Variants in TCF20 observed in about 807,000 individuals in gnomAD.
TCF20 encodes the protein transcription factor 20, also known as SPRE-binding protein.
In TCF20, 3 loss-of-function variants were observed where a neutral mutation model predicts 148.6. The ratio of observed to expected loss-of-function variants is 0.02; its 90% CI spans 0.01 to 0.05. The LOEUF (loss-of-function observed/expected upper bound fraction) is 0.05, where lower values mean the gene tolerates loss of function less well. Among genes scored for constraint, TCF20 ranks in the 10% least tolerant of loss-of-function variants. The pLI, the probability that TCF20 is intolerant of heterozygous loss-of-function variation, is 1.00. For missense variants in TCF20, 2,350 were observed against 2,429.3 expected, an observed-to-expected ratio of 0.97 and a Z score of 0.69; for synonymous variants, 1,049 against 909.5, an observed-to-expected ratio of 1.15 and a Z score of -2.76.
At chr22:42,229,574 T>C (rs979747094) in intron 1 of TCF20, among the ~76,000 whole-genome samples, 2 of 152,102 alleles carry the variant, frequency 1.3e-5, no homozygotes, top group Non-Finnish European at 2.9e-5. Context: ...GGTCAGAAGA[T>C]AGGGTGCGTA....
chr22:42,228,247 T>C (rs915177722), intron 1 of TCF20, among the ~76,000 whole-genome samples: 10 of 152,094 alleles, frequency 6.6e-5, no homozygotes, highest in Non-Finnish European at 4.4e-5. Context: ...ATGGAGGTAG[T>C]GACACACAGT....
Position 42,242,218 on chromosome 22 carries a change from A to ACAAAAAAAC in TCF20, c.-36-26878_-36-26877insGTTTTTTTG, listed in dbSNP as rs1555942525. Among the ~76,000 whole-genome samples, 102 of 142,696 alleles carry ACAAAAAAAC rather than the reference A, an allele frequency of 7.1e-4. 4 individuals are homozygous for ACAAAAAAAC. The highest frequency in any genetic ancestry group is 2.6e-3 in the African/African-American group (94 of 36,470). 93.6% of individuals were successfully genotyped at this position (142,696 alleles called of 152,430 possible). A position where few individuals can be genotyped will look rare whatever the true frequency, so the allele number is the denominator to read the frequency against. On this transcript the variant is annotated intron_variant, in intron 1 of 5. Coordinates refer to ENST00000677622, the MANE Select transcript of TCF20 (RefSeq NM_001378418.1). ...ACTTCGCCTCAAAAAAAAAAAAAAA[A>ACAAAAAAAC]AAAAAAAAACAGAAAAGAAAGGGTG...
chr22:42,244,488 T>C (rs1360958478), intron 1 of TCF20, among the ~76,000 whole-genome samples: 1 of 152,132 alleles, frequency 6.6e-6, no homozygotes, highest in South Asian at 2.1e-4. Context: ...CACAATACAA[T>C]GTAGATAAAT....
intron 1 of TCF20, among the ~76,000 whole-genome samples, chr22:42,261,324 T>A (rs1204059707): frequency 6.6e-6 from 1 of 152,220 alleles, no homozygotes; most frequent in East Asian, 1.9e-4. Flanking sequence ...GACATTTTCA[T>A]TTCTCTTGGA....
chr22:42,211,453 G>A lies in TCF20; in HGVS notation c.3853C>T (p.Leu1285Phe), dbSNP rs765753452. The change falls in exon 2 of 6, where the codon CTT becomes TTT. Residue 1285 changes from leucine to phenylalanine, a missense_variant. Around this residue, in one of 7 missense-constraint regions of TCF20, gnomAD observed 1,641 missense variants for 1,662.6 expected, o/e 0.99. Transcript: ENST00000677622. ...TCAGCGCCTTCTTTTGATGAGTGAA[G>A]GAGGCGACCTTTATCTTCAGTGCTA... ...NSSTEDKGRL[L>F]HSSKEGADKA... 21 of 1,614,054 alleles carry A rather than the reference G, an allele frequency of 1.3e-5. No homozygotes were observed. The East Asian group carries it at 4.5e-4, about 34-fold the overall frequency.
In TCF20 at chr22:42,290,385, C is replaced by A. The variant is rs900623296; in HGVS notation, c.-37+53094G>T. Among the ~76,000 whole-genome samples the A allele has an allele frequency of 6.6e-6, 1 of 152,226 alleles. No individual in the cohort carries two copies. Among genetic ancestry groups the A allele is most frequent in the Non-Finnish European group, 1.5e-5 (1 of 68,042 alleles). ...GCTAGCTAATCCCAGCCAAAACACA[C>A]GGAATGAGAATCGTTCAGAATCTTT... On this transcript the variant is annotated intron_variant, in intron 1 of 1. Coordinates refer to the TCF20 transcript ENST00000515426. The surrounding 1 kb of genome is among the most constrained non-coding windows in gnomAD (Gnocchi z 4.2).
chr22:42,319,042 G>T (rs781688761), intron 1 of TCF20, among the ~76,000 whole-genome samples: 2 of 152,184 alleles, frequency 1.3e-5, no homozygotes, highest in African/African-American at 4.8e-5. Flanking sequence ...GTACTAGGGG[G>T]GCATGAGAGG....
At chr22:42,162,729 C>G (rs1175807966) in intron 5 of TCF20, among the ~76,000 whole-genome samples, 1 of 152,202 alleles carries the variant, frequency 6.6e-6, no homozygotes, top group African/African-American at 2.4e-5. Context: ...CTGACAAACC[C>G]CAAGAACCCA....
chr22:42,331,626 C>G (rs565169056), intron 1 of TCF20, among the ~76,000 whole-genome samples: 1 of 152,390 alleles, frequency 6.6e-6, no homozygotes, highest in Admixed American at 6.5e-5. Flanking sequence ...CAGCAAGTCC[C>G]TTGACATGTC....
chr22:42,334,130 T>C (rs1038517722), intron 1 of TCF20, among the ~76,000 whole-genome samples: 10 of 152,148 alleles, frequency 6.6e-5, no homozygotes, highest in Non-Finnish European at 1.5e-4. Context: ...AGCCTGAACA[T>C]CTCACCCTCC....
At chr22:42,332,136 A>G (rs1161946755) in intron 1 of TCF20, among the ~76,000 whole-genome samples, 1 of 152,200 alleles carries the variant, frequency 6.6e-6, no homozygotes, top group Non-Finnish European at 1.5e-5. Context: ...CATAACAGAT[A>G]ACTATTACAA....
At chr22:42,270,867 C>T (rs1228211821), upstream of TCF20, among the ~76,000 whole-genome samples, 3 of 151,016 alleles carry the variant, frequency 2.0e-5, no homozygotes, top group African/African-American at 4.8e-5. Context: ...CAGGGTCGCA[C>T]GGGGTTCTCC....
At chr22:42,200,385 G>A (rs1013228571) in intron 2 of TCF20, among the ~76,000 whole-genome samples, 2 of 152,008 alleles carry the variant, frequency 1.3e-5, no homozygotes, top group East Asian at 1.9e-4. Flanking sequence ...GGTGACTCAC[G>A]CCTATAATCC....
At chr22:42,269,442 G>A (rs541427218) in intron 1 of TCF20, among the ~76,000 whole-genome samples, 4 of 152,246 alleles carry the variant, frequency 2.6e-5, no homozygotes, top group Admixed American at 1.3e-4. Flanking sequence ...ACAAGCAGAG[G>A]AAGACGGCCG....
rs1323103381 is a variant in TCF20 at position 42,270,443 on chromosome 22, T to G, written c.-141A>C. Among the ~76,000 whole-genome samples the G allele has an allele frequency of 4.9e-4, 67 of 136,390 alleles. No homozygotes were observed. The South Asian group carries it at 0.016, about 32-fold the overall frequency. The allele number at this position is 136,390 out of a possible 152,430, so 89.5% of individuals were successfully genotyped here. A position where few individuals can be genotyped will look rare whatever the true frequency, so the allele number is the denominator to read the frequency against. On this transcript the variant is annotated 5_prime_UTR_variant, in exon 1 of 6. Coordinates refer to ENST00000677622, the MANE Select transcript of TCF20 (RefSeq NM_001378418.1). The stretch of plus-strand genomic sequence containing the variant: ...TGCGCGGGGTGGGGGTGGGGGTGGC[T>G]CCGCCGCCTCCAGCTCGGGCGCCCG...
At chr22:42,295,973 G>A (rs1309275692) in intron 1 of TCF20, among the ~76,000 whole-genome samples, 4 of 152,184 alleles carry the variant, frequency 2.6e-5, no homozygotes, top group Non-Finnish European at 5.9e-5. Context: ...ATCACTGAGG[G>A]CATGGACTTT....
chr22:42,282,845 T>C (rs896603777), intron 1 of TCF20, among the ~76,000 whole-genome samples: 5 of 151,900 alleles, frequency 3.3e-5, no homozygotes, highest in African/African-American at 4.8e-5. Context: ...CTCTTCACTG[T>C]AAAATAAATG....
rs576696257 is a variant in TCF20 at position 42,234,707 on chromosome 22, C to T, written c.-36-19366G>A. On this transcript the variant is annotated intron_variant, in intron 1 of 5. Coordinates refer to ENST00000677622, the MANE Select transcript of TCF20 (RefSeq NM_001378418.1). ...AGGATTATTTCAAATATATTAAAAACATCAAAATGCTAACTCCAAACTAAG... is the reference window on the plus strand; with the variant it reads ...AGGATTATTTCAAATATATTAAAAATATCAAAATGCTAACTCCAAACTAAG... Among the ~76,000 whole-genome samples the T allele has an allele frequency of 5.3e-5, 8 of 152,240 alleles. No homozygotes were observed. In the South Asian group the frequency reaches 1.7e-3, roughly 32 times the overall value.
intron 5 of TCF20, among the ~76,000 whole-genome samples, chr22:42,168,408 T>G (rs1935918225): frequency 6.6e-6 from 1 of 152,100 alleles, no homozygotes; most frequent in Non-Finnish European, 1.5e-5. Flanking sequence ...CCATTGGCAG[T>G]GGACAGTTTA....
Sources: allele counts gnomAD v4.1 joint callset (sites outside exome capture counted in the v4.1 genomes callset), GRCh38; gene constraint gnomAD v4.1.1; regional missense constraint gnomAD v4.1.1; non-coding constraint Gnocchi (gnomAD v3.1); transcripts MANE v1.5; gene names NCBI Gene and HGNC (gene_info 2026-07-23, HGNC 2026-07-21).